Variants in CIAO3 observed in about 807,000 individuals in gnomAD.
The protein encoded by CIAO3 is LET1 like/JFP15.
CIAO3 carries 45 observed loss-of-function variants against 51.5 expected under a neutral mutation model. That is an observed-to-expected ratio of 0.87 (90% CI 0.69 to 1.12). The LOEUF (loss-of-function observed/expected upper bound fraction) is 1.12. Ranked by LOEUF, CIAO3 falls within the 50% of genes most tolerant of loss-of-function variation. CIAO3 has a pLI of 0.00. For synonymous variants in CIAO3, 314 were observed against 269.3 expected (o/e 1.17, Z -1.63); for missense variants, 668 against 632.5 (o/e 1.06, Z -0.60).
chr16:739,171 C>T (rs1324964932), intron 2 of CIAO3: 10 of 158,060 alleles, frequency 6.3e-5, no homozygotes, highest in South Asian at 3.4e-4. Context: ...TGGTGGTGGC[C>T]GCCTGTAGTC....
At chr16:734,120 C>CGCACA in intron 6 of CIAO3, 109 bp downstream of exon 6, 1 of 962,046 alleles carries the variant, frequency 1.0e-6, no homozygotes, top group Admixed American at 1.7e-5. Flanking sequence ...TGGGGAAGGC[C>CGCACA]GCACAGCACA....
At position 736,510 on chromosome 16, in the gene CIAO3, T is replaced by C. The variant is rs902215226; in HGVS notation, c.307-112A>G. 9.4e-6 allele frequency: 12 copies of C among 1,279,152 alleles called. No individual in the cohort carries two copies. In the African/African-American group the frequency reaches 1.8e-4, roughly 20 times the overall value. 79.2% of individuals were successfully genotyped at this position (1,279,152 alleles called of 1,614,324 possible). ...CTGTGGAGAGGGCAGGCCAGCTCCA[T>C]CAAGAGTCTTTTTTTTTTTTTTAAC... On this transcript the variant is annotated intron_variant, in intron 3 of 10. Transcript: ENST00000251588.
intron 9 of CIAO3, chr16:731,347 C>G: frequency 3.0e-6 from 2 of 657,456 alleles, no homozygotes; most frequent in Non-Finnish European, 4.9e-6. Flanking sequence ...GGGTCACCAT[C>G]CCCCACAATG....
rs1193523681 is a variant in CIAO3, at chr16:731,099, C to T, written c.1035-99G>A. 6 of 1,460,250 alleles carry T rather than the reference C, an allele frequency of 4.1e-6. No individual in the cohort carries two copies. The East Asian group carries it at 1.1e-4, about 28-fold the overall frequency. The allele number at this position is 1,460,250 out of a possible 1,614,324, so 90.5% of individuals were successfully genotyped here. A position where few individuals can be genotyped will look rare whatever the true frequency, so the allele number is the denominator to read the frequency against. On this transcript the variant is annotated intron_variant, in intron 9 of 10. Transcript: ENST00000251588. ...CTGGGCTTCAGGGGATGACCGGGTA[C>T]CTCCCAGGGCTCTCTCCCTCTCTCC...
rs2041264627 is a variant in CIAO3 at position 730,620 on chromosome 16, C to T, written c.1228G>A (p.Asp410Asn). Residue 410 changes from aspartate (D) to asparagine (N), a missense_variant, in exon 11 of 11, where the codon GAC (aspartate) becomes AAC (asparagine). Transcript: ENST00000251588. ...TGGAGGAGCTCTCTGCTGGGCCTGT[C>T]TGGGGCCTGGAGCTGGCCCCCGCCG... The part of the protein sequence containing the change: ...LNGGGQLQAP[D>N]RPSRELLQHV... 3 of 1,610,064 alleles carry T rather than the reference C, an allele frequency of 1.9e-6. No individual in the cohort carries two copies. Among genetic ancestry groups the T allele is most frequent in the East Asian group, 4.5e-5 (2 of 44,890 alleles).
chr16:736,227 G>C, intron 4 of CIAO3, 39 bp downstream of exon 4: 3 of 1,610,752 alleles, frequency 1.9e-6, no homozygotes, highest in Non-Finnish European at 2.5e-6. Flanking sequence ...ACGCCCCCTT[G>C]ATTTGGAGCG....
intron 2 of CIAO3, chr16:739,191 CG>C (rs1179472402): frequency 1.2e-5 from 2 of 161,484 alleles, no homozygotes; most frequent in Non-Finnish European, 2.7e-5. Context: ...CCCAGCTACT[CG>C]GGAGGCTGAG....
At chr16:732,611 C>T (rs1213605471) in intron 7 of CIAO3, 1 of 636,494 alleles carries the variant, frequency 1.6e-6, no homozygotes, top group Non-Finnish European at 2.9e-6. Context: ...CACCCAGTGT[C>T]CATCTGTCCA....
At chr16:739,464 A>C in intron 2 of CIAO3, 179 bp downstream of exon 2, 1 of 643,828 alleles carries the variant, frequency 1.6e-6, no homozygotes, top group Non-Finnish European at 2.8e-6. Flanking sequence ...CTGCTCATTC[A>C]CCTGCCCCAG....
chr16:736,241 G>T, intron 4 of CIAO3, 25 bp downstream of exon 4: 1 of 1,612,066 alleles, frequency 6.2e-7, no homozygotes, highest in Non-Finnish European at 8.5e-7. Flanking sequence ...TGGAGCGGCA[G>T]TGTTACCCCA....
chr16:736,541 G>A, intron 3 of CIAO3, 143 bp from the exon 4 acceptor site: 2 of 1,034,148 alleles, frequency 1.9e-6, no homozygotes, highest in Admixed American at 2.8e-5. Flanking sequence ...TTAACACAGA[G>A]TCTCACTCTG....
At chr16:740,778 G>C (rs939489689) in intron 1 of CIAO3, 142 bp downstream of exon 1, 1 of 804,890 alleles carries the variant, frequency 1.2e-6, no homozygotes, top group Non-Finnish European at 1.9e-6. Context: ...CGCCCGGGTC[G>C]ATAGAGTCCC....
At chr16:738,379 C>T (rs1461759919) in intron 2 of CIAO3, 17 of 918,032 alleles carry the variant, frequency 1.9e-5, no homozygotes, top group African/African-American at 1.3e-4. Context: ...GATGGAGTCT[C>T]GCTCTGTCAC....
rs765839045 is a variant in CIAO3 at position 730,398 on chromosome 16, A to AGTCCTGGTC, written c.*10_*18dup. The AGTCCTGGTC allele has an allele frequency of 6.3e-7, 1 of 1,594,112 alleles. No homozygotes were observed. Among genetic ancestry groups the AGTCCTGGTC allele is most frequent in the African/African-American group, 1.3e-5 (1 of 74,930 alleles). ...TCACACATGGACACGGCCTCCTGGG[A>AGTCCTGGTC]GTCCTGGTCCTGCAGCCCCTACCAC... On this transcript the variant is annotated 3_prime_UTR_variant, in exon 11 of 11. Coordinates refer to ENST00000251588, the MANE Select transcript of CIAO3 (RefSeq NM_022493.3).
chr16:733,853 T>C, intron 6 of CIAO3: 1 of 364,454 alleles, frequency 2.7e-6, no homozygotes, highest in Non-Finnish European at 5.2e-6. Flanking sequence ...GCCCTCGCCC[T>C]CTCCCGCCCC....
At chr16:733,262 G>A in intron 7 of CIAO3, 36 bp downstream of exon 7, 1 of 1,609,538 alleles carries the variant, frequency 6.2e-7, no homozygotes, top group Non-Finnish European at 8.5e-7. Flanking sequence ...CAGACCAGGA[G>A]GCTTGAGGGC....
chr16:734,803 C>A lies in CIAO3; in HGVS notation c.508G>T (p.Val170Leu), dbSNP rs146336412. ...FSLLESQREF[V>L]RRFRGQADCR... ...TCGGCCTGTCCTCGGAATCGCCGCA[C>A]AAACTCTCGCTGGCTCTCCAGGAGG... The change falls in exon 5 of 11, where the codon GTG (valine) becomes TTG (leucine). Residue 170 changes from valine (V) to leucine (L), a missense_variant. Transcript: ENST00000251588. The A allele has an allele frequency of 1.0e-4, 168 of 1,606,180 alleles. No homozygotes were observed. The African/African-American group carries it at 1.8e-3, about 17-fold the overall frequency.
rs771852894 is a variant in CIAO3 at position 740,233 on chromosome 16, G to A, written c.67-495C>T. The A allele has an allele frequency of 4.0e-5, 24 of 596,764 alleles. No individual in the cohort carries two copies. The Middle Eastern group carries it at 4.9e-3, about 121-fold the overall frequency. 37.0% of individuals were successfully genotyped at this position (596,764 alleles called of 1,614,324 possible). ...CTGCCGGAAGCGCTCCCAGCAGCCC[G>A]CCTCTCGCCCTGCTCAGCTCTGGCC... is the stretch of plus-strand genomic sequence containing the variant. On this transcript the variant is annotated intron_variant, in intron 1 of 10. Coordinates refer to ENST00000251588, the MANE Select transcript of CIAO3 (RefSeq NM_022493.3).
Position 733,362 on chromosome 16 carries a change from G to C in CIAO3, c.759C>G (p.Ala253=). The C allele has an allele frequency of 6.2e-7, 1 of 1,613,884 alleles. No individual in the cohort carries two copies. The highest frequency in any genetic ancestry group is 8.5e-7 in the Non-Finnish European group (1 of 1,179,998). ...CCTGGTTGAAAAAGTCGGGTCTGGAGGCTTCCAGCTTTTTGTCATAGCAGG... is the reference window on the plus strand; with the variant it reads ...CCTGGTTGAAAAAGTCGGGTCTGGACGCTTCCAGCTTTTTGTCATAGCAGG... ...VMPCYDKKLE[A]SRPDFFNQEH... is the part of the protein sequence containing the mutation. Residue 253 remains alanine (A), a synonymous_variant, in exon 7 of 11, where the codon GCC becomes GCG. Coordinates refer to ENST00000251588, the MANE Select transcript of CIAO3 (RefSeq NM_022493.3).
Sources: allele counts gnomAD v4.1 joint callset, GRCh38; gene constraint gnomAD v4.1.1; transcripts MANE v1.5; gene names NCBI Gene and HGNC (gene_info 2026-07-23, HGNC 2026-07-21).